WRN: variants seen among roughly 807,000 people sequenced by gnomAD.
WRN encodes bifunctional 3'-5' exonuclease/ATP-dependent helicase WRN.
In WRN, 149 loss-of-function variants were observed where a neutral mutation model predicts 180.7. The observed-to-expected ratio is 0.82, with a 90% CI of 0.72 to 0.94. WRN has a LOEUF of 0.94. Ranked by LOEUF, WRN falls within the 40% of genes least tolerant of loss-of-function variation. The pLI, the probability that WRN is intolerant of heterozygous loss-of-function variation, is 0.00. For missense variants in WRN, 1,661 were observed against 1,700.1 expected (o/e 0.98, Z 0.40); for synonymous variants, 548 against 568.9 (o/e 0.96, Z 0.52).
In WRN at chr8:31,048,873, ACTTATC is replaced by A. The variant is rs1811974108; in HGVS notation, c.-76-9495_-76-9490del. ...AAACACTTATTAATCCAGTCTTGTA[ACTTATC>A]CTTGAAATCTCTTTTTTAATATTCT... On this transcript the variant is annotated intron_variant, in intron 1 of 34. Transcript: ENST00000298139. Among the ~76,000 whole-genome samples, 3 of 152,290 alleles carry A rather than the reference ACTTATC, an allele frequency of 2.0e-5. No individual in the cohort carries two copies. In the South Asian group the frequency reaches 6.2e-4, roughly 32 times the overall value.
Position 31,091,850 on chromosome 8 carries a change from G to T in WRN, c.1850G>T (p.Cys617Phe), listed in dbSNP as rs752392526. The change falls in exon 16 of 35, where the codon TGC becomes TTC. Residue 617 changes from cysteine (C) to phenylalanine (F), a missense_variant. By Grantham distance (205) the Cys-to-Phe change is radical. This residue lies in a region of WRN where 1,141 missense variants were observed against 1,149.4 expected (regional missense o/e 0.99). Coordinates refer to ENST00000298139, the MANE Select transcript of WRN (RefSeq NM_000553.6). ...LQLKMSNIPA[C>F]FLGSAQSENV... ...TATAGAATGTCCAACATCCCAGCTT[G>T]CTTCCTTGGATCAGCACAGTCAGAA... is the stretch of plus-strand genomic sequence containing the variant. The T allele has an allele frequency of 6.2e-7, 1 of 1,613,176 alleles. No homozygotes were observed. Among genetic ancestry groups the T allele is most frequent in the Admixed American group, 1.7e-5 (1 of 59,970 alleles).
At chr8:31,102,117 C>T (rs1453674002) in intron 18 of WRN, among the ~76,000 whole-genome samples, 2 of 152,116 alleles carry the variant, frequency 1.3e-5, no homozygotes, top group African/African-American at 4.8e-5. Context: ...TTGTTCTATA[C>T]AGTTTAATCT....
rs141495269 is a variant in WRN at position 31,059,162 on chromosome 8, C to T, written c.106C>T (p.Arg36Trp). ...ATTTACTAAACTCAAGGCATGTGTT[C>T]GGAAGAGTGTTTTTGAAGATGACCT... ...CAVEERKACV[R>W]KSVFEDDLPF... Residue 36 changes from arginine (R) to tryptophan (W), a missense_variant, in exon 3 of 35, where the codon CGG (arginine) becomes TGG (tryptophan). Physicochemically the swap from Arg to Trp is moderately radical, Grantham distance 101. Transcript: ENST00000298139. 3.5e-5 allele frequency: 57 copies of T among 1,613,274 alleles called. No individual in the cohort carries two copies. The highest frequency in any genetic ancestry group is 1.1e-4 in the South Asian group (10 of 91,068).
chr8:31,052,640 G>A (rs993679176), intron 1 of WRN, among the ~76,000 whole-genome samples: 3 of 152,070 alleles, frequency 2.0e-5, no homozygotes, highest in African/African-American at 7.2e-5. Context: ...GCCTGCCTTG[G>A]CCTCCCAAAG....
intron 34 of WRN, 134 bp from the exon 35 acceptor site, chr8:31,172,861 T>C: frequency 1.4e-6 from 1 of 694,912 alleles, no homozygotes; most frequent in Non-Finnish European, 2.5e-6. Flanking sequence ...ATAAATTATA[T>C]AGATACCACT....
At chr8:31,170,083 G>C (rs1233788980) in intron 34 of WRN, among the ~76,000 whole-genome samples, 1 of 152,158 alleles carries the variant, frequency 6.6e-6, no homozygotes, top group African/African-American at 2.4e-5. Context: ...CTCCCGTACA[G>C]ATGTCAGTAC....
rs1328035416 is a variant in WRN at position 31,157,543 on chromosome 8, G to A, written c.3982+13G>A. On this transcript the variant is annotated intron_variant, in intron 33 of 34. Coordinates refer to ENST00000298139, the MANE Select transcript of WRN (RefSeq NM_000553.6). ...CCCGTCAACTCAGGTGAGAGGCATG[G>A]CCTAGCTCTGCACCCTTAATGACTT... The A allele has an allele frequency of 4.3e-6, 7 of 1,613,802 alleles. 1 individual carries two copies. The Admixed American group carries it at 1.2e-4, about 27-fold the overall frequency.
At chr8:31,104,423 A>G (rs751213020) in intron 18 of WRN, among the ~76,000 whole-genome samples, 62 of 152,150 alleles carry the variant, frequency 4.1e-4, no homozygotes, top group Non-Finnish European at 6.8e-4. Flanking sequence ...TACATTGTAG[A>G]TATGAGTCCT....
chr8:31,116,331 C>T, intron 19 of WRN, 23 bp from the exon 20 acceptor site: 2 of 1,612,910 alleles, frequency 1.2e-6, no homozygotes, highest in Non-Finnish European at 8.5e-7. Context: ...TATGTTTGCT[C>T]TTTTGTTCTT....
At chr8:31,036,026 C>G (rs548423496) in intron 1 of WRN, among the ~76,000 whole-genome samples, 4 of 152,194 alleles carry the variant, frequency 2.6e-5, no homozygotes, top group Non-Finnish European at 5.9e-5. Flanking sequence ...CACCACCCAT[C>G]CATCCCAGCC....
intron 24 of WRN, among the ~76,000 whole-genome samples, chr8:31,139,999 C>CTTTTTTTTTTTTTTT (rs1563375284): frequency 1.3e-5 from 1 of 74,702 alleles, no homozygotes; most frequent in African/African-American, 5.3e-5. Flanking sequence ...TTGTATACTT[C>CTTTTTTTTTTTTTTT]TTTGTTTTTT....
chr8:31,161,588 C>T (rs775865064), intron 33 of WRN, among the ~76,000 whole-genome samples: 3 of 152,100 alleles, frequency 2.0e-5, no homozygotes, highest in African/African-American at 4.8e-5. Context: ...CCTGTAATCC[C>T]AGCACTTTGG....
chr8:31,125,016 T>A lies in WRN; in HGVS notation c.2825+16T>A. The A allele has an allele frequency of 6.2e-7, 1 of 1,603,150 alleles. No homozygotes were observed. Among genetic ancestry groups the A allele is most frequent in the Non-Finnish European group, 8.5e-7 (1 of 1,170,684 alleles). On this transcript the variant is annotated intron_variant, in intron 23 of 34. Coordinates refer to ENST00000298139, the MANE Select transcript of WRN (RefSeq NM_000553.6). ...GCAGGTCCAGGTAAAGATTTCTTAT[T>A]ATAGATGGACATTCTAAAAGTCTTT...
intron 1 of WRN, among the ~76,000 whole-genome samples, chr8:31,047,609 C>T (rs2737314): frequency 0.069 from 10,457 of 152,108 alleles, 588 homozygotes; most frequent in East Asian, 0.22. Flanking sequence ...TAGGGTGGAA[C>T]GGATGCTAGC....
intron 28 of WRN, among the ~76,000 whole-genome samples, chr8:31,144,106 G>A (rs960931200): frequency 1.3e-5 from 2 of 152,042 alleles, no homozygotes; most frequent in Non-Finnish European, 2.9e-5. Flanking sequence ...ATTGTGACTT[G>A]CAGATATTGC....
intron 12 of WRN, among the ~76,000 whole-genome samples, chr8:31,088,269 T>C (rs1009800275): frequency 1.3e-5 from 2 of 152,168 alleles, no homozygotes; most frequent in African/African-American, 4.8e-5. Flanking sequence ...TTTTGCCCTT[T>C]CTTGGCCACT....
At chr8:31,136,838 AATG>A (rs1210931905) in intron 24 of WRN, among the ~76,000 whole-genome samples, 2 of 102,220 alleles carry the variant, frequency 2.0e-5, no homozygotes, top group Non-Finnish European at 4.6e-5. Flanking sequence ...CCCTGTCTCG[AATG>A]AATGAATGAA....
chr8:31,094,622 C>G (rs1813884518), intron 16 of WRN, among the ~76,000 whole-genome samples: 1 of 152,208 alleles, frequency 6.6e-6, no homozygotes, highest in Non-Finnish European at 1.5e-5. Context: ...GCTGGGATTA[C>G]AGGCGTGAGC....
intron 16 of WRN, among the ~76,000 whole-genome samples, chr8:31,095,437 C>T (rs1011642299): frequency 3.3e-5 from 5 of 152,108 alleles, no homozygotes; most frequent in Admixed American, 6.5e-5. Flanking sequence ...TTTGTCGATT[C>T]GTTCTTTTAG....
Sources: gnomAD v4.1 joint callset for allele counts (sites outside exome capture counted in the v4.1 genomes callset) on GRCh38, gnomAD v4.1.1 for gene constraint, gnomAD v4.1.1 regional missense constraint, MANE v1.5 for transcripts, NCBI Gene and HGNC (gene_info 2026-07-23, HGNC 2026-07-21) for gene names.